The following POU6F2 variants were observed in gnomAD, a reference collection of about 807,000 sequenced individuals.
POU6F2 encodes POU class 6 homeobox 2.
POU6F2 carries 31 observed loss-of-function variants against 71.3 expected under a neutral mutation model. The observed-to-expected ratio is 0.43, with a 90% CI of 0.33 to 0.59. The LOEUF (loss-of-function observed/expected upper bound fraction) is 0.59. Among genes scored for constraint, POU6F2 ranks in the 20% least tolerant of loss-of-function variants. POU6F2 has a pLI of 0.04. For synonymous variants in POU6F2, 347 were observed against 355.7 expected, an observed-to-expected ratio of 0.98 and a Z score of 0.27; for missense variants, 783 against 856.8, an observed-to-expected ratio of 0.91 and a Z score of 1.07.
chr7:39,147,654 T>C (rs1467790283), intron 2 of POU6F2, among the ~76,000 whole-genome samples: 2 of 152,196 alleles, frequency 1.3e-5, no homozygotes, highest in African/African-American at 4.8e-5. Context: ...CTGTTCTTCT[T>C]CCAACTCTTC....
chr7:39,406,337 T>G, intron 5 of POU6F2: 3 of 466,718 alleles, frequency 6.4e-6, no homozygotes, highest in South Asian at 2.8e-5. Context: ...ACCTCACCCC[T>G]GAAGTTCAGG....
At chr7:39,054,240 C>T (rs972100626) in intron 1 of POU6F2, among the ~76,000 whole-genome samples, 3 of 152,044 alleles carry the variant, frequency 2.0e-5, no homozygotes, top group African/African-American at 7.2e-5. Context: ...ACCAATAACA[C>T]CTTTTGAGAA....
chr7:39,317,853 TGATGA>T (rs1785302730), intron 4 of POU6F2, among the ~76,000 whole-genome samples: 1 of 152,232 alleles, frequency 6.6e-6, no homozygotes, highest in Non-Finnish European at 1.5e-5. Context: ...AAATTGGGTT[TGATGA>T]GTTCCAAGGA....
intron 6 of POU6F2, among the ~76,000 whole-genome samples, chr7:39,408,974 A>G (rs1381564586): frequency 6.6e-6 from 1 of 152,186 alleles, no homozygotes; most frequent in Non-Finnish European, 1.5e-5. Flanking sequence ...ACACCAAAAG[A>G]GATAGGCAAA....
chr7:39,415,924 G>A (rs767461842), intron 6 of POU6F2, among the ~76,000 whole-genome samples: 3 of 152,024 alleles, frequency 2.0e-5, no homozygotes, highest in Non-Finnish European at 4.4e-5. Context: ...TGCGTTCCAA[G>A]TCCATTCCCA....
intron 5 of POU6F2, among the ~76,000 whole-genome samples, chr7:39,358,500 A>C (rs1481824259): frequency 6.6e-6 from 1 of 152,238 alleles, no homozygotes; most frequent in African/African-American, 2.4e-5. Flanking sequence ...CTCCTCGCCC[A>C]ACCCAGTAAC....
chr7:38,999,424 A>G (rs1407660548), intron 1 of POU6F2, among the ~76,000 whole-genome samples: 1 of 152,220 alleles, frequency 6.6e-6, no homozygotes, highest in African/African-American at 2.4e-5. Context: ...GCCATTCAGA[A>G]CTTACAGCTC....
At position 39,460,757 on chromosome 7, in the gene POU6F2, G is replaced by C; in HGVS notation, c.1658+42G>C. On this transcript the variant is annotated intron_variant, in intron 9 of 9. Coordinates refer to ENST00000518318, the MANE Select transcript of POU6F2 (RefSeq NM_001370959.1). The surrounding 1 kb of genome is among the most constrained non-coding windows in gnomAD (Gnocchi z 4.4). ...TGCTGTCACCTCTTCTAGCCGCCCT[G>C]GGCCTCATTTGTCCTCGCGGTTCAG... The C allele has an allele frequency of 6.7e-7, 1 of 1,499,296 alleles. No individual in the cohort carries two copies. Among genetic ancestry groups the C allele is most frequent in the Non-Finnish European group, 8.9e-7 (1 of 1,123,018 alleles). The allele number at this position is 1,499,296 out of a possible 1,614,324, so 92.9% of individuals were successfully genotyped here. A position where few individuals can be genotyped will look rare whatever the true frequency, so the allele number is the denominator to read the frequency against.
In POU6F2 at chr7:39,087,163, T is replaced by TTA. The variant is rs1562700974; in HGVS notation, c.277+1132_277+1133insTA. On this transcript the variant is annotated intron_variant, in intron 2 of 9. Coordinates refer to ENST00000518318, the MANE Select transcript of POU6F2 (RefSeq NM_001370959.1). ...GGCTTTATTAATTAATTAATTAATT[T>TTA]ATTTATTTATTTATTTATTTATTTA... Among the ~76,000 whole-genome samples, 329 of 101,808 alleles carry TTA rather than the reference T, an allele frequency of 3.2e-3. 2 individuals carry two copies. In the East Asian group the frequency reaches 0.049, roughly 15 times the overall value. The allele number at this position is 101,808 out of a possible 152,430, so 66.8% of individuals were successfully genotyped here.
chr7:39,003,073 T>C (rs1332159452), intron 1 of POU6F2, among the ~76,000 whole-genome samples: 1 of 152,184 alleles, frequency 6.6e-6, no homozygotes. Flanking sequence ...ATCTCAGTTA[T>C]TTAGTTAACC....
At chr7:38,980,693 T>C (rs1788295369) in intron 1 of POU6F2, among the ~76,000 whole-genome samples, 1 of 152,198 alleles carries the variant, frequency 6.6e-6, no homozygotes, top group South Asian at 2.1e-4. Context: ...TTTGGAATAA[T>C]TATTATTTTT....
Position 39,225,989 on chromosome 7 carries a change from C to A in POU6F2, c.598+18369C>A, listed in dbSNP as rs193012499. Among the ~76,000 whole-genome samples, 600 of 150,562 alleles carry A rather than the reference C, an allele frequency of 4.0e-3. 9 individuals are homozygous for A. The highest frequency in any genetic ancestry group is 0.02 in the East Asian group (104 of 5,116). On this transcript the variant is annotated intron_variant, in intron 4 of 9. Coordinates refer to ENST00000518318, the MANE Select transcript of POU6F2 (RefSeq NM_001370959.1). ...AAAGGTTGTTTTTTTTTAAAAAAAACCAACATTTTTCTAATGTACATTAAG... is the reference window on the plus strand; with the variant it reads ...AAAGGTTGTTTTTTTTTAAAAAAAAACAACATTTTTCTAATGTACATTAAG...
At chr7:39,367,518 T>C (rs1328898876) in intron 5 of POU6F2, among the ~76,000 whole-genome samples, 3 of 152,176 alleles carry the variant, frequency 2.0e-5, no homozygotes, top group Non-Finnish European at 4.4e-5. Context: ...AGGTGTAAAA[T>C]GTAAATCTTT....
At chr7:39,203,418 TTTTA>T (rs1194681401) in intron 2 of POU6F2, among the ~76,000 whole-genome samples, 5 of 152,222 alleles carry the variant, frequency 3.3e-5, no homozygotes, top group South Asian at 2.1e-4. Flanking sequence ...TTGCCACTGG[TTTTA>T]TTTGTTTTGT....
At chr7:39,152,591 A>G (rs1171217742) in intron 2 of POU6F2, among the ~76,000 whole-genome samples, 2 of 152,044 alleles carry the variant, frequency 1.3e-5, no homozygotes, top group Non-Finnish European at 2.9e-5. Flanking sequence ...TGAGATTCCT[A>G]AGGTCATTCA....
intron 4 of POU6F2, among the ~76,000 whole-genome samples, chr7:39,212,565 C>A (rs2128746947): frequency 6.6e-6 from 1 of 152,226 alleles, no homozygotes; most frequent in African/African-American, 2.4e-5. Context: ...AAGTACCATC[C>A]ATCATCAGCT....
intron 1 of POU6F2, among the ~76,000 whole-genome samples, chr7:39,007,486 A>G (rs974534538): frequency 6.6e-6 from 1 of 152,208 alleles, no homozygotes; most frequent in African/African-American, 2.4e-5. Flanking sequence ...AACAGAATTT[A>G]TCTCCAGTTT....
At chr7:39,025,522 G>A (rs1430106678) in intron 1 of POU6F2, among the ~76,000 whole-genome samples, 1 of 152,036 alleles carries the variant, frequency 6.6e-6, no homozygotes, top group Non-Finnish European at 1.5e-5. Flanking sequence ...TTAATAAATG[G>A]TGCTGGGAAA....
chr7:39,015,861 A>AATATATTATATATAGATATATATT (rs1488132405), intron 1 of POU6F2, among the ~76,000 whole-genome samples: 18 of 57,234 alleles, frequency 3.1e-4, no homozygotes, highest in African/African-American at 1.3e-3. Flanking sequence ...AGATATATAT[A>AATATATTATATATAGATATATATT]ATATATTATA....
Sources: gnomAD v4.1 joint callset for allele counts (sites outside exome capture counted in the v4.1 genomes callset) on GRCh38, gnomAD v4.1.1 for gene constraint, Gnocchi (gnomAD v3.1) non-coding constraint, MANE v1.5 for transcripts, NCBI Gene and HGNC (gene_info 2026-07-23, HGNC 2026-07-21) for gene names.